Variants in PPP4R4 observed in about 807,000 individuals in gnomAD.
PPP4R4 encodes protein phosphatase 4 regulatory subunit 4.
Under a neutral mutation model 121.8 loss-of-function variants are expected in PPP4R4, and 70 were observed. That is an observed-to-expected ratio of 0.57 (90% confidence interval 0.47 to 0.70). The LOEUF (loss-of-function observed/expected upper bound fraction) is 0.70, where lower values mean the gene tolerates loss of function less well. Among genes scored for constraint, PPP4R4 ranks in the 30% least tolerant of loss-of-function variants. The pLI, the probability that PPP4R4 is intolerant of heterozygous loss-of-function variation, is 0.00. For synonymous variants in PPP4R4, 348 were observed against 355.7 expected, an observed-to-expected ratio of 0.98 and a Z score of 0.24; for missense variants, 875 against 1,033.6, an observed-to-expected ratio of 0.85 and a Z score of 2.10.
At chr14:94,220,597 CAACCA>C (rs1555354813) in intron 3 of PPP4R4, among the ~76,000 whole-genome samples, 1 of 152,050 alleles carries the variant, frequency 6.6e-6, no homozygotes, top group Non-Finnish European at 1.5e-5. Flanking sequence ...TACAAACCAG[CAACCA>C]ACAATTGGAA....
chr14:94,275,155 T>C (rs1595555389), intron 23 of PPP4R4, among the ~76,000 whole-genome samples: 1 of 152,286 alleles, frequency 6.6e-6, no homozygotes, highest in East Asian at 1.9e-4. Context: ...GACTGTTTCA[T>C]AGTGATAGAC....
intron 10 of PPP4R4, 149 bp from the exon 11 acceptor site, chr14:94,242,140 A>G (rs369521804): frequency 3.5e-6 from 4 of 1,158,002 alleles, no homozygotes; most frequent in Non-Finnish European, 3.7e-6. Context: ...AGAATAATAG[A>G]CACATATTTG....
chr14:94,278,832 C>G lies in PPP4R4; in HGVS notation c.*189C>G, dbSNP rs1344138913. Reference sequence around the variant, plus strand: ...CTTTTCATATTTCAAATTAGATTCCCTAGGAGGTATAATATATATTTCTTG... The same window carrying G: ...CTTTTCATATTTCAAATTAGATTCCGTAGGAGGTATAATATATATTTCTTG... On this transcript the variant is annotated 3_prime_UTR_variant, in exon 25 of 25. Transcript: ENST00000304338. The G allele has an allele frequency of 5.0e-6, 2 of 401,686 alleles. No individual in the cohort carries two copies. Among genetic ancestry groups the G allele is most frequent in the African/African-American group, 4.2e-5 (2 of 48,126 alleles). The allele number at this position is 401,686 out of a possible 1,614,324, so 24.9% of individuals were successfully genotyped here.
intron 24 of PPP4R4, among the ~76,000 whole-genome samples, chr14:94,277,061 G>A (rs1894682417): frequency 6.6e-6 from 1 of 152,180 alleles, no homozygotes; most frequent in East Asian, 1.9e-4. Context: ...CAATATGGGA[G>A]GCCGAGGCAG....
At chr14:94,261,653 G>A (rs1357762025) in intron 19 of PPP4R4, among the ~76,000 whole-genome samples, 2 of 151,920 alleles carry the variant, frequency 1.3e-5, no homozygotes, top group Non-Finnish European at 2.9e-5. Context: ...GATCTTAGGG[G>A]GAAACAGTTC....
At chr14:94,201,689 A>T (rs933789340) in intron 2 of PPP4R4, among the ~76,000 whole-genome samples, 7 of 152,044 alleles carry the variant, frequency 4.6e-5, no homozygotes, top group African/African-American at 1.7e-4. Context: ...CTACCCCTTT[A>T]CCTTAAGTTT....
chr14:94,208,607 C>T, intron 3 of PPP4R4, 41 bp downstream of exon 3: 1 of 1,493,772 alleles, frequency 6.7e-7, no homozygotes, highest in Non-Finnish European at 9.3e-7. Flanking sequence ...CCCATTTTTT[C>T]CCAGTAGCAT....
intron 3 of PPP4R4, chr14:94,227,254 A>T: frequency 6.5e-7 from 1 of 1,546,136 alleles, no homozygotes; most frequent in Non-Finnish European, 8.9e-7. Flanking sequence ...CACTTAAGCA[A>T]TAGAGGAATT....
intron 23 of PPP4R4, among the ~76,000 whole-genome samples, chr14:94,274,106 C>T (rs1894501800): frequency 6.6e-6 from 1 of 152,086 alleles, no homozygotes; most frequent in Non-Finnish European, 1.5e-5. Flanking sequence ...CAGTATCTGA[C>T]TTTCCGTTCC....
At chr14:94,175,372 T>A (rs2139363399) in intron 1 of PPP4R4, 1 of 152,200 alleles carries the variant, frequency 6.6e-6, no homozygotes, top group African/African-American at 2.4e-5. Context: ...CCAATCCCCT[T>A]GAGGGGGTCA....
At chr14:94,254,871 C>G (rs1893386029) in intron 16 of PPP4R4, among the ~76,000 whole-genome samples, 1 of 152,156 alleles carries the variant, frequency 6.6e-6, no homozygotes, top group African/African-American at 2.4e-5. Context: ...TGGCATTCTT[C>G]AACCTCCTTG....
At chr14:94,230,451 A>G (rs1466405862) in intron 3 of PPP4R4, 136 bp from the exon 4 acceptor site, 7 of 733,838 alleles carry the variant, frequency 9.5e-6, no homozygotes, top group Non-Finnish European at 1.3e-5. Context: ...TCTCTGAAAT[A>G]AGTACATATC....
At chr14:94,250,140 G>A in intron 14 of PPP4R4, 32 bp from the exon 15 acceptor site, 2 of 1,410,754 alleles carry the variant, frequency 1.4e-6, no homozygotes, top group South Asian at 2.3e-5. Context: ...AATTAGCCTA[G>A]TGTAACTGTC....
intron 2 of PPP4R4, among the ~76,000 whole-genome samples, chr14:94,180,943 G>T (rs966681220): frequency 1.3e-5 from 2 of 152,064 alleles, no homozygotes; most frequent in Non-Finnish European, 2.9e-5. Flanking sequence ...GAGAACTCTG[G>T]CGTACTTCTT....
intron 5 of PPP4R4, among the ~76,000 whole-genome samples, chr14:94,233,319 T>C (rs547033985): frequency 6.6e-5 from 10 of 152,376 alleles, no homozygotes; most frequent in Middle Eastern, 6.8e-3. Context: ...TAAAAATACA[T>C]TTCAAGGTAT....
chr14:94,261,482 A>G (rs1893783266), intron 19 of PPP4R4, among the ~76,000 whole-genome samples: 1 of 152,098 alleles, frequency 6.6e-6, no homozygotes, highest in Non-Finnish European at 1.5e-5. Flanking sequence ...TTCTAAAACT[A>G]AAATTTTATA....
intron 3 of PPP4R4, among the ~76,000 whole-genome samples, chr14:94,212,741 C>T (rs1890810550): frequency 6.6e-6 from 1 of 152,028 alleles, no homozygotes; most frequent in African/African-American, 2.4e-5. Flanking sequence ...TTGCTTTGAA[C>T]TTCTCATTAT....
chr14:94,216,830 C>T (rs1006318142), intron 3 of PPP4R4, among the ~76,000 whole-genome samples: 1 of 152,106 alleles, frequency 6.6e-6, no homozygotes, highest in South Asian at 2.1e-4. Context: ...CCTCCAGGAC[C>T]ATGCAAAGAT....
intron 2 of PPP4R4, among the ~76,000 whole-genome samples, chr14:94,185,216 T>G (rs1443737253): frequency 6.6e-6 from 1 of 152,154 alleles, no homozygotes; most frequent in Non-Finnish European, 1.5e-5. Flanking sequence ...AAAATGGGAA[T>G]AAATAGGCTG....
Sources: allele counts gnomAD v4.1 joint callset (sites outside exome capture counted in the v4.1 genomes callset), GRCh38; gene constraint gnomAD v4.1.1; transcripts MANE v1.5; gene names NCBI Gene and HGNC (gene_info 2026-07-23, HGNC 2026-07-21).